SLC25A19: variants seen among roughly 807,000 people sequenced by gnomAD.
SLC25A19 encodes the protein solute carrier family 25 member 19.
In SLC25A19, 18 loss-of-function variants were observed where a neutral mutation model predicts 27.9. That is an observed-to-expected ratio of 0.64 (90% CI 0.45 to 0.96). The LOEUF is 0.96. SLC25A19 is among the 40% of genes least tolerant of loss of function. SLC25A19 has a pLI of 0.00. For synonymous variants in SLC25A19, 169 were observed against 167.1 expected (o/e 1.01, Z -0.09); for missense variants, 371 against 418.3 (o/e 0.89, Z 0.99).
At position 75,286,615 on chromosome 17, in the gene SLC25A19, G is replaced by C; in HGVS notation, c.132+18C>G. The C allele has an allele frequency of 6.2e-7, 1 of 1,614,098 alleles. No homozygotes were observed. The highest frequency in any genetic ancestry group is 8.5e-7 in the Non-Finnish European group (1 of 1,180,028). On this transcript the variant is annotated intron_variant, in intron 3 of 7. Transcript: ENST00000416858. The stretch of plus-strand genomic sequence containing the variant: ...AACTTGTCCTCCAGTCCATTGCATG[G>C]AAAAAGGGGAAGAGTACCTGGAAAC...
At chr17:75,279,646 T>G (rs142423293) in intron 5 of SLC25A19, among the ~76,000 whole-genome samples, 5 of 151,738 alleles carry the variant, frequency 3.3e-5, no homozygotes. Flanking sequence ...GTAGCTGTGA[T>G]TATAGGCACC....
intron 7 of SLC25A19, among the ~76,000 whole-genome samples, 197 bp downstream of exon 7, chr17:75,277,156 G>A (rs1218315210): frequency 6.6e-6 from 1 of 152,006 alleles, no homozygotes; most frequent in African/African-American, 2.4e-5. Context: ...CCTTGGCCCA[G>A]ATCCTTCCAC....
chr17:75,281,473 G>A (rs1026029174), intron 5 of SLC25A19, among the ~76,000 whole-genome samples: 1 of 152,072 alleles, frequency 6.6e-6, no homozygotes, highest in African/African-American at 2.4e-5. Flanking sequence ...GAGGCCAGGG[G>A]ATCACCTGAA....
chr17:75,280,723 G>A (rs191752671), intron 5 of SLC25A19, among the ~76,000 whole-genome samples: 32 of 152,150 alleles, frequency 2.1e-4, no homozygotes, highest in African/African-American at 7.2e-4. Flanking sequence ...TGAGGCGGGA[G>A]AATCACTTAA....
In SLC25A19 at chr17:75,286,357, A is replaced by G. The variant is rs777778350; in HGVS notation, c.235T>C (p.Trp79Arg). 6.2e-7 allele frequency: 1 copy of G among 1,614,152 alleles called. No individual in the cohort carries two copies. ...ILQEEGPTAFWKGHVPAQILS... is the reference protein window; with the variant it reads ...ILQEEGPTAFRKGHVPAQILS... ...ATCTGAGCTGGGACGTGTCCTTTCC[A>G]GAAAGCTGTCGGACCCTCCTCCTGC... Residue 79 changes from tryptophan (W) to arginine (R), a missense_variant, in exon 4 of 8, where the codon TGG (tryptophan) becomes CGG (arginine). Coordinates refer to ENST00000416858, the MANE Select transcript of SLC25A19 (RefSeq NM_001126121.2).
At position 75,284,077 on chromosome 17, in the gene SLC25A19, C is replaced by T. The variant is rs112843942; in HGVS notation, c.289-484G>A. Reference sequence around the variant, plus strand: ...GCACTGAGCCAAGATCATGCCACTGCGCTCTCCAGCCCGGGCGACAGAGCA... The same window carrying T: ...GCACTGAGCCAAGATCATGCCACTGTGCTCTCCAGCCCGGGCGACAGAGCA... On this transcript the variant is annotated intron_variant, in intron 4 of 7. Transcript: ENST00000416858. Among the ~76,000 whole-genome samples the T allele has an allele frequency of 2.9e-3, 436 of 151,134 alleles. 2 individuals carry two copies. Among genetic ancestry groups the T allele is most frequent in the African/African-American group, 8.9e-3 (367 of 41,074 alleles).
intron 7 of SLC25A19, 121 bp from the exon 8 acceptor site, chr17:75,273,760 A>ATTATTTTATT (rs3082641): frequency 2.3e-6 from 2 of 855,196 alleles, no homozygotes; most frequent in African/African-American, 3.4e-5. Context: ...AAAATAGCAA[A>ATTATTTTATT]TTATTTTATT....
At position 75,286,713 on chromosome 17, in the gene SLC25A19, C is replaced by T. The variant is rs775998246; in HGVS notation, c.52G>A (p.Val18Met). 1 of 1,614,172 alleles carries T rather than the reference C, an allele frequency of 6.2e-7. No individual in the cohort carries two copies. The highest frequency in any genetic ancestry group is 1.1e-5 in the South Asian group (1 of 91,080). Residue 18 changes from valine to methionine, a missense_variant, in exon 3 of 8, where the codon GTG (valine) becomes ATG (methionine). Val to Met is a conservative substitution (Grantham distance 21, BLOSUM62 1). Transcript: ENST00000416858. ...CCAGACACAGACCCAGCCACTGCCA[C>T]CTGGAACTTGGTGTTATTCCTGCCA... The part of the protein sequence containing the change: ...PDGRNNTKFQ[V>M]AVAGSVSGLV...
chr17:75,276,619 C>T (rs920222773), intron 7 of SLC25A19, among the ~76,000 whole-genome samples: 4 of 149,792 alleles, frequency 2.7e-5, no homozygotes, highest in Non-Finnish European at 4.5e-5. Flanking sequence ...CCACTCGTCT[C>T]GGCCTCCCAA....
At chr17:75,279,332 T>C (rs2077977245) in intron 5 of SLC25A19, among the ~76,000 whole-genome samples, 1 of 152,162 alleles carries the variant, frequency 6.6e-6, no homozygotes, top group Non-Finnish European at 1.5e-5. Flanking sequence ...AAATTTTTTA[T>C]CGTTCAAGAT....
intron 5 of SLC25A19, among the ~76,000 whole-genome samples, chr17:75,279,729 G>C (rs539690039): frequency 6.6e-6 from 1 of 151,898 alleles, no homozygotes; most frequent in South Asian, 2.1e-4. Flanking sequence ...GGATGATCTC[G>C]ATCTCCTGAC....
chr17:75,282,288 C>T (rs1458051308), intron 5 of SLC25A19, among the ~76,000 whole-genome samples: 2 of 149,874 alleles, frequency 1.3e-5, no homozygotes, highest in Admixed American at 6.7e-5. Context: ...CGGTGGCTCA[C>T]GCCTGTAATC....
At position 75,277,459 on chromosome 17, in the gene SLC25A19, C is replaced by G. The variant is rs1278554222; in HGVS notation, c.668G>C (p.Gly223Ala). The change falls in exon 7 of 8, where the codon GGC becomes GCC. Residue 223 changes from glycine to alanine, a missense_variant. Coordinates refer to ENST00000416858, the MANE Select transcript of SLC25A19 (RefSeq NM_001126121.2). The stretch of plus-strand genomic sequence containing the variant: ...CTTGCTGATGACACCAGCTCCACTG[C>G]CACAAAGCAGGTTTTGGAGGTTCTC... ...KNENLQNLLC[G>A]SGAGVISKTL... 6.2e-7 allele frequency: 1 copy of G among 1,613,988 alleles called. No individual in the cohort carries two copies. The highest frequency in any genetic ancestry group is 1.7e-5 in the Admixed American group (1 of 60,016).
chr17:75,286,222 A>C, intron 4 of SLC25A19, 82 bp downstream of exon 4: 1 of 1,560,564 alleles, frequency 6.4e-7, no homozygotes, highest in Non-Finnish European at 8.7e-7. Context: ...CCTGCGCGGC[A>C]TTCCTGCTTG....
At chr17:75,277,729 G>A (rs947505315) in intron 6 of SLC25A19, among the ~76,000 whole-genome samples, 4 of 152,096 alleles carry the variant, frequency 2.6e-5, no homozygotes, top group Non-Finnish European at 5.9e-5. Context: ...CCCAGCTGGA[G>A]GCAACATGGG....
intron 7 of SLC25A19, among the ~76,000 whole-genome samples, chr17:75,276,693 G>T (rs1273835693): frequency 6.7e-6 from 1 of 148,166 alleles, no homozygotes; most frequent in African/African-American, 2.5e-5. Flanking sequence ...ATTTTTTTTT[G>T]AGATGGAGTC....
chr17:75,278,710 G>T (rs559171980), intron 5 of SLC25A19, among the ~76,000 whole-genome samples: 1 of 152,114 alleles, frequency 6.6e-6, no homozygotes, highest in Non-Finnish European at 1.5e-5. Flanking sequence ...GGCCAGGCGC[G>T]GTGGCTCACG....
At chr17:75,276,346 C>T (rs553527048) in intron 7 of SLC25A19, among the ~76,000 whole-genome samples, 3 of 152,172 alleles carry the variant, frequency 2.0e-5, no homozygotes, top group South Asian at 4.1e-4. Flanking sequence ...AATTCCAGAA[C>T]AGCTACAGCA....
intron 7 of SLC25A19, among the ~76,000 whole-genome samples, chr17:75,275,985 T>C (rs1369487832): frequency 7.1e-6 from 1 of 141,424 alleles, no homozygotes; most frequent in Non-Finnish European, 1.5e-5. Flanking sequence ...AATATATATA[T>C]ATATATGGCT....
Sources: gnomAD v4.1 joint callset for allele counts (sites outside exome capture counted in the v4.1 genomes callset) on GRCh38, gnomAD v4.1.1 for gene constraint, MANE v1.5 for transcripts, NCBI Gene and HGNC (gene_info 2026-07-23, HGNC 2026-07-21) for gene names.